Variants in MYO19 observed in about 807,000 individuals in gnomAD.
The protein encoded by MYO19 is unconventional myosin-XIX.
In MYO19, 132 loss-of-function variants were observed where a neutral mutation model predicts 129.2. The observed-to-expected ratio is 1.02, with a 90% CI of 0.89 to 1.18. MYO19 has a LOEUF of 1.18. Ranked by LOEUF, MYO19 falls within the 50% of genes most tolerant of loss-of-function variation. The probability of loss-of-function intolerance (pLI) is 0.00; values close to 1 mark genes in which losing one functional copy is unlikely to be tolerated. For missense variants in MYO19, 1,210 were observed against 1,216.7 expected, an observed-to-expected ratio of 0.99 and a Z score of 0.08; for synonymous variants, 531 against 477.2, an observed-to-expected ratio of 1.11 and a Z score of -1.47.
At chr17:36,530,290 G>A (rs1264383160) in intron 3 of MYO19, among the ~76,000 whole-genome samples, 1 of 152,088 alleles carries the variant, frequency 6.6e-6, no homozygotes, top group African/African-American at 2.4e-5. Context: ...GGGCAACAAA[G>A]TGAGACCCTG....
intron 9 of MYO19, among the ~76,000 whole-genome samples, chr17:36,514,204 C>A (rs2142082665): frequency 6.6e-6 from 1 of 152,300 alleles, no homozygotes; most frequent in Admixed American, 6.5e-5. Context: ...CAGTCCCAGC[C>A]TCAAGGACCT....
At chr17:36,533,751 G>A (rs149764200) in intron 2 of MYO19, 15 of 152,338 alleles carry the variant, frequency 9.8e-5, no homozygotes, top group Non-Finnish European at 2.1e-4. Flanking sequence ...GGGCTCCAGA[G>A]AACAAAGCTC....
Position 36,509,142 on chromosome 17 carries a change from G to T in MYO19, c.1158-7C>A. 1 of 1,613,538 alleles carries T rather than the reference G, an allele frequency of 6.2e-7. No individual in the cohort carries two copies. Among genetic ancestry groups the T allele is most frequent in the South Asian group, 1.1e-5 (1 of 90,976 alleles). On this transcript the variant is annotated splice_polypyrimidine_tract_variant and splice_region_variant and intron_variant, in intron 13 of 25. Transcript: ENST00000614623. The stretch of plus-strand genomic sequence containing the variant: ...TACCAGCCAGTCAAACAACCTGTTG[G>T]GGGAAGAGAGTGGACTCTGGTAAGA...
intron 19 of MYO19, 113 bp from the exon 20 acceptor site, chr17:36,504,133 T>C (rs1019787934): frequency 1.3e-6 from 1 of 792,818 alleles, no homozygotes; most frequent in Non-Finnish European, 1.9e-6. Context: ...CTGCAGGCTC[T>C]CCCAAGGCTT....
At chr17:36,498,987 G>A in intron 24 of MYO19, 88 bp downstream of exon 24, 1 of 1,054,936 alleles carries the variant, frequency 9.5e-7, no homozygotes, top group South Asian at 1.4e-5. Flanking sequence ...CACCTGCATT[G>A]CAGTGGCAGA....
chr17:36,520,883 C>T (rs1218241081), intron 6 of MYO19, among the ~76,000 whole-genome samples: 1 of 152,122 alleles, frequency 6.6e-6, no homozygotes, highest in African/African-American at 2.4e-5. Flanking sequence ...GGAGTTGGTG[C>T]CCCTAACCTC....
Position 36,515,149 on chromosome 17 carries a change from C to CT in MYO19, c.580dup (p.Ser194LysfsTer39). 1 of 1,612,660 alleles carries CT rather than the reference C, an allele frequency of 6.2e-7. No homozygotes were observed. Among genetic ancestry groups the CT allele is most frequent in the Non-Finnish European group, 8.5e-7 (1 of 1,179,388 alleles). ...GAGCTGGATGAACTTCCCAAAGCGA[C>CT]TGCTGTTGTTATTCCTCAGTGTACA... On this transcript the variant is annotated frameshift_variant, in exon 8 of 26. Coordinates refer to ENST00000614623, the MANE Select transcript of MYO19 (RefSeq NM_001163735.2). LOFTEE classifies it high-confidence loss of function.
intron 9 of MYO19, 68 bp from the exon 10 acceptor site, chr17:36,513,793 C>G: frequency 7.1e-7 from 1 of 1,414,024 alleles, no homozygotes; most frequent in Non-Finnish European, 9.8e-7. Context: ...CATAGGCAGG[C>G]ATGGGGTTGG....
chr17:36,501,228 A>G lies in MYO19; in HGVS notation c.2088T>C (p.Cys696=). The G allele has an allele frequency of 6.2e-7, 1 of 1,610,776 alleles. No individual in the cohort carries two copies. Among genetic ancestry groups the G allele is most frequent in the Non-Finnish European group, 8.5e-7 (1 of 1,178,036 alleles). Residue 696 remains cysteine, a synonymous_variant, in exon 22 of 26, where the codon TGT becomes TGC. Transcript: ENST00000614623. ...PYPAKGLPEW[C]PHSEEATLEP... ...CAAGCGTGGCTTCCTCGCTGTGTGGACACCATTCTGGGGGAGGGAGATGGC... is the reference window on the plus strand; with the variant it reads ...CAAGCGTGGCTTCCTCGCTGTGTGGGCACCATTCTGGGGGAGGGAGATGGC...
At chr17:36,542,555 T>A (rs924848613) in intron 1 of MYO19, among the ~76,000 whole-genome samples, 1 of 151,692 alleles carries the variant, frequency 6.6e-6, no homozygotes, top group Non-Finnish European at 1.5e-5. Flanking sequence ...AAAAATTAGC[T>A]GGGCGTGGTG....
chr17:36,518,928 A>G (rs1185318469), intron 6 of MYO19, among the ~76,000 whole-genome samples: 4 of 152,234 alleles, frequency 2.6e-5, no homozygotes, highest in African/African-American at 9.6e-5. Flanking sequence ...GTTTATTTCT[A>G]ATTCAATTCT....
intron 6 of MYO19, among the ~76,000 whole-genome samples, chr17:36,524,393 A>G (rs145708770): frequency 1.7e-4 from 26 of 152,328 alleles, no homozygotes; most frequent in Admixed American, 5.2e-4. Flanking sequence ...GTGAAGGCAG[A>G]AGGAGTTTAT....
chr17:36,516,892 T>C (rs1171821218), intron 6 of MYO19, among the ~76,000 whole-genome samples: 1 of 152,208 alleles, frequency 6.6e-6, no homozygotes, highest in Non-Finnish European at 1.5e-5. Context: ...ATCAGAGATA[T>C]TTCTATCTTC....
In MYO19 at chr17:36,527,629, G is replaced by C. The variant is rs752731820; in HGVS notation, c.222C>G (p.Ala74=). The C allele has an allele frequency of 6.2e-7, 1 of 1,613,958 alleles. No individual in the cohort carries two copies. The highest frequency in any genetic ancestry group is 8.5e-7 in the Non-Finnish European group (1 of 1,179,868). ...FYTNAGCTLV[A]LNPFKPVPQL... is the part of the protein sequence containing the mutation. ...GAGGAACAGGCTTGAAGGGGTTCAA[G>C]GCTACCAGGGTGCAGCCAGCATTGG... The change falls in exon 5 of 26, where the codon GCC becomes GCG. Residue 74 remains alanine (A), a synonymous_variant. Coordinates refer to ENST00000614623, the MANE Select transcript of MYO19 (RefSeq NM_001163735.2).
At chr17:36,516,871 T>A (rs1389463301) in intron 6 of MYO19, among the ~76,000 whole-genome samples, 2 of 152,216 alleles carry the variant, frequency 1.3e-5, no homozygotes, top group East Asian at 3.9e-4. Flanking sequence ...TTCTTTAGAT[T>A]TTTCTTTGGG....
chr17:36,543,520 G>A (rs1264920830), upstream of MYO19: 1 of 152,226 alleles, frequency 6.6e-6, no homozygotes, highest in Non-Finnish European at 1.5e-5. Flanking sequence ...CGTTTATTAT[G>A]TCACCGACCC....
In MYO19 at chr17:36,527,690, C is replaced by G. The variant is rs763230463; in HGVS notation, c.161G>C (p.Cys54Ser). ...GTCTGCCATGTACCGGGCCTGCAGG[C>G]ACCTCAGGACTGAGGCAGAGATGCC... ...NPVTLETVLRCLQARYMADTF... is the reference protein window; with the variant it reads ...NPVTLETVLRSLQARYMADTF... Residue 54 changes from cysteine to serine, a missense_variant, in exon 5 of 26, where the codon TGC becomes TCC. Transcript: ENST00000614623. 1.2e-6 allele frequency: 2 copies of G among 1,610,604 alleles called. No homozygotes were observed. Among genetic ancestry groups the G allele is most frequent in the Admixed American group, 3.4e-5 (2 of 59,096 alleles).
chr17:36,511,427 T>A lies in MYO19; in HGVS notation c.923A>T (p.Asn308Ile). The change falls in exon 12 of 26, where the codon AAT becomes ATT. Residue 308 changes from asparagine (N) to isoleucine (I), a missense_variant. Physicochemically the swap from Asn to Ile is moderately radical, Grantham distance 149. Transcript: ENST00000614623. ...KVLAGLLHLG[N>I]IQFAASEDEA... The stretch of plus-strand genomic sequence containing the variant: ...ATCCTCGGAGGCAGCAAACTGGATA[T>A]TGCCAAGGTGCAGCAGTCCAGCTAG... 2.5e-6 allele frequency: 4 copies of A among 1,568,770 alleles called. No homozygotes were observed. Among genetic ancestry groups the A allele is most frequent in the Non-Finnish European group, 3.5e-6 (4 of 1,157,060 alleles).
upstream of MYO19, chr17:36,544,763 C>CG (rs960544562): frequency 6.5e-6 from 1 of 154,362 alleles, no homozygotes; most frequent in Non-Finnish European, 1.4e-5. Context: ...GGCCCACGGG[C>CG]GGGACGGCCA....
Sources: gnomAD v4.1 joint callset for allele counts (sites outside exome capture counted in the v4.1 genomes callset) on GRCh38, gnomAD v4.1.1 for gene constraint, MANE v1.5 for transcripts, NCBI Gene and HGNC (gene_info 2026-07-23, HGNC 2026-07-21) for gene names.